TMEM164: variants seen among roughly 807,000 people sequenced by gnomAD.
TMEM164 encodes the protein transmembrane protein 164, also known as RP13-360B22.2.
TMEM164 carries 4 observed loss-of-function variants against 18.8 expected under a neutral mutation model. That is an observed-to-expected ratio of 0.21 (90% CI 0.10 to 0.49). The LOEUF is 0.49. Among genes scored for constraint, TMEM164 ranks in the 20% least tolerant of loss-of-function variants. The pLI is 0.98. For synonymous variants in TMEM164, 86 were observed against 101.7 expected, an observed-to-expected ratio of 0.85 and a Z score of 0.93; for missense variants, 108 against 239.9, an observed-to-expected ratio of 0.45 and a Z score of 3.63.
At chrX:110,183,873 AG>A (rs2067332297), downstream of TMEM164, among the ~76,000 whole-genome samples, 1 of 112,184 alleles carries the variant, frequency 8.9e-6, no homozygotes, top group African/African-American at 3.2e-5. Context: ...GGAGTGATCA[AG>A]GTCAGTGGTT....
intron 4 of TMEM164, among the ~76,000 whole-genome samples, chrX:110,115,257 C>A (rs896339544): frequency 5.3e-5 from 6 of 112,359 alleles, no homozygotes; most frequent in African/African-American, 1.9e-4. Flanking sequence ...CTGTGACTGG[C>A]AAATTGGGCT....
At chrX:110,039,993 A>G (rs1935020139) in intron 2 of TMEM164, among the ~76,000 whole-genome samples, 1 of 111,344 alleles carries the variant, frequency 9.0e-6, no homozygotes, top group African/African-American at 3.3e-5. Flanking sequence ...TTCCATGTCT[A>G]CTGCCCTAAT....
chrX:110,034,504 T>C (rs1291238464), intron 2 of TMEM164, among the ~76,000 whole-genome samples: 1 of 112,596 alleles, frequency 8.9e-6, no homozygotes, highest in Admixed American at 9.4e-5. Context: ...CAAAAGCAGC[T>C]ACAGATAATG....
In TMEM164 at chrX:110,035,929, G is replaced by GT. The variant is rs758772478; in HGVS notation, c.391-31409dup. Among the ~76,000 whole-genome samples the GT allele has an allele frequency of 3.0e-3, 329 of 108,562 alleles. 1 individual carries two copies. The highest frequency in any genetic ancestry group is 4.1e-3 in the Non-Finnish European group (214 of 52,112). The allele number at this position is 108,562 out of a possible 115,157, so 94.3% of individuals were successfully genotyped here. On this transcript the variant is annotated intron_variant, in intron 2 of 6. Coordinates refer to ENST00000372068, the MANE Select transcript of TMEM164 (RefSeq NM_032227.4). ...GGAGCTTAATATCTCTTTTTTTGTT[G>GT]TTTTTTTTTAAAAAAGGTAGTGCTT...
At chrX:110,156,035 G>T (rs1213975429) in intron 5 of TMEM164, among the ~76,000 whole-genome samples, 2 of 112,045 alleles carry the variant, frequency 1.8e-5, no homozygotes, top group Admixed American at 9.4e-5. Context: ...TTCCCAAGCA[G>T]CTGAGACTGC....
intron 5 of TMEM164, among the ~76,000 whole-genome samples, chrX:110,169,037 G>T (rs371665837): frequency 1.3e-4 from 15 of 111,860 alleles, no homozygotes; most frequent in African/African-American, 4.9e-4. Flanking sequence ...CTTTCCCAAG[G>T]CCCCAAAGTT....
chrX:110,120,289 A>G (rs945907098), intron 4 of TMEM164, among the ~76,000 whole-genome samples: 23 of 111,126 alleles, frequency 2.1e-4, no homozygotes, highest in African/African-American at 7.2e-4. Flanking sequence ...GTCTTACCCA[A>G]TGTCTTCTGT....
At position 110,173,524 on chromosome X, in the gene TMEM164, T is replaced by G; in HGVS notation, c.*73T>G. On this transcript the variant is annotated 3_prime_UTR_variant, in exon 7 of 7. Transcript: ENST00000372068. Reference sequence around the variant, plus strand: ...CTTGACTTGGAGAACACCCAGTTCTTGATAAAATCATGGGAGAGGGCAGTA... The same window carrying G: ...CTTGACTTGGAGAACACCCAGTTCTGGATAAAATCATGGGAGAGGGCAGTA... The G allele has an allele frequency of 1.1e-6, 1 of 935,200 alleles. No individual in the cohort carries two copies. Among genetic ancestry groups the G allele is most frequent in the South Asian group, 2.3e-5 (1 of 43,812 alleles). The allele number at this position is 935,200 out of a possible 1,213,427, so 77.1% of individuals were successfully genotyped here. A position where few individuals can be genotyped will look rare whatever the true frequency, so the allele number is the denominator to read the frequency against.
intron 5 of TMEM164, among the ~76,000 whole-genome samples, chrX:110,154,023 G>A (rs1277839436): frequency 9.0e-6 from 1 of 110,928 alleles, no homozygotes; most frequent in East Asian, 2.8e-4. Flanking sequence ...ATCTGTGGTT[G>A]GTCAAATCCA....
chrX:110,126,147 G>A lies in TMEM164; in HGVS notation c.507+17001G>A, dbSNP rs754025707. 6.4e-5 allele frequency among the ~76,000 whole-genome samples: 7 copies of A among 109,927 alleles called. No individual in the cohort carries two copies. In the South Asian group the frequency reaches 1.2e-3, roughly 18 times the overall value. ...TGGATGGAGAGGACGAGATGAGAAC[G>A]AATCTTCCAGAAGCTGCCTGGTTCG... On this transcript the variant is annotated intron_variant, in intron 4 of 6. Coordinates refer to ENST00000372068, the MANE Select transcript of TMEM164 (RefSeq NM_032227.4).
At chrX:110,110,351 A>T (rs1172906269) in intron 4 of TMEM164, among the ~76,000 whole-genome samples, 1 of 112,411 alleles carries the variant, frequency 8.9e-6, no homozygotes, top group Non-Finnish European at 1.9e-5. Flanking sequence ...AGGCTCACCT[A>T]ATTAGCTTGA....
intron 6 of TMEM164, 140 bp downstream of exon 6, chrX:110,171,660 G>A (rs1046360638): frequency 7.1e-6 from 4 of 561,328 alleles, no homozygotes; most frequent in African/African-American, 2.2e-5. Flanking sequence ...GTTGTGTCTG[G>A]ATTGCTGATT....
chrX:110,141,408 G>A (rs1356151853), intron 4 of TMEM164, among the ~76,000 whole-genome samples: 2 of 112,160 alleles, frequency 1.8e-5, no homozygotes, highest in African/African-American at 6.5e-5. Context: ...AAGAAAAAGA[G>A]GTTTAATGGA....
In TMEM164 at chrX:110,154,797, A is replaced by G. The variant is rs181029170; in HGVS notation, c.586+9921A>G. ...TGCTGCCTGTCCATGGAGTCGCTGG[A>G]TTCAGACAGACTGTAGGTACAAATC... On this transcript the variant is annotated intron_variant, in intron 5 of 6. Coordinates refer to ENST00000372068, the MANE Select transcript of TMEM164 (RefSeq NM_032227.4). 2.0e-3 allele frequency among the ~76,000 whole-genome samples: 224 copies of G among 111,892 alleles called. 3 individuals are homozygous for G. The highest frequency in any genetic ancestry group is 0.018 in the Admixed American group (194 of 10,595).
At chrX:110,152,726 T>A (rs1315580378) in intron 5 of TMEM164, among the ~76,000 whole-genome samples, 1 of 111,082 alleles carries the variant, frequency 9.0e-6, no homozygotes, top group Non-Finnish European at 1.9e-5. Flanking sequence ...CATCCTCTCC[T>A]TACCATCTCT....
At chrX:110,109,052 C>T (rs770650458) in intron 3 of TMEM164, 28 bp from the exon 4 acceptor site, 21 of 1,196,845 alleles carry the variant, frequency 1.8e-5, no homozygotes, top group Non-Finnish European at 2.4e-5. Flanking sequence ...CTGAGTATGA[C>T]CTGAACTTTA....
chrX:110,035,997 C>G (rs960214744), intron 2 of TMEM164, among the ~76,000 whole-genome samples: 3 of 110,578 alleles, frequency 2.7e-5, no homozygotes, highest in Non-Finnish European at 5.7e-5. Context: ...GAGCCTCTTC[C>G]AACTCATCCT....
At chrX:110,180,268 C>G (rs1330656406), downstream of TMEM164, among the ~76,000 whole-genome samples, 1 of 112,626 alleles carries the variant, frequency 8.9e-6, no homozygotes, top group Non-Finnish European at 1.9e-5. Flanking sequence ...GTGTCATCCA[C>G]CCCGCTGAGG....
chrX:110,118,187 A>G (rs1220528281), intron 4 of TMEM164, among the ~76,000 whole-genome samples: 1 of 112,777 alleles, frequency 8.9e-6, no homozygotes, highest in African/African-American at 3.2e-5. Flanking sequence ...TGCTGTGATT[A>G]CAGGCGTAAG....
Sources: allele counts gnomAD v4.1 joint callset (sites outside exome capture counted in the v4.1 genomes callset), GRCh38; gene constraint gnomAD v4.1.1; transcripts MANE v1.5; gene names NCBI Gene and HGNC (gene_info 2026-07-23, HGNC 2026-07-21).